USP6NL: variants seen among roughly 807,000 people sequenced by gnomAD.
The protein encoded by USP6NL is USP6 N-terminal like.
A neutral mutation model predicts 61.9 loss-of-function variants in USP6NL; 26 were observed. The ratio of observed to expected loss-of-function variants is 0.42; its 90% CI spans 0.31 to 0.58. USP6NL has a LOEUF of 0.58. Among genes scored for constraint, USP6NL ranks in the 20% least tolerant of loss-of-function variants. The pLI is 0.16. For missense variants in USP6NL, 1,114 were observed against 1,034.3 expected (o/e 1.08, Z -1.06); for synonymous variants, 432 against 390.1 (o/e 1.11, Z -1.27).
rs1258703867 is a variant in USP6NL, at chr10:11,489,292, G to C, written c.544-70C>G. On this transcript the variant is annotated intron_variant, in intron 9 of 14. Transcript: ENST00000609104. The surrounding 1 kb of genome is among the most constrained non-coding windows in gnomAD (Gnocchi z 5.7). ...TTACATGCATATGTACAGAGAAAAA[G>C]CTACTCTATAAAAACCAGAAAATGC... The C allele has an allele frequency of 9.6e-6, 15 of 1,569,054 alleles. No individual in the cohort carries two copies. In the East Asian group the frequency reaches 3.4e-4, roughly 35 times the overall value.
intron 2 of USP6NL, among the ~76,000 whole-genome samples, chr10:11,557,645 C>T (rs1236675126): frequency 6.6e-6 from 1 of 152,102 alleles, no homozygotes; most frequent in South Asian, 2.1e-4. Flanking sequence ...TAGGGGAGAA[C>T]ATTGATGACA....
rs1837511415 is a variant in USP6NL at position 11,575,600 on chromosome 10, T to C, written c.4+22031A>G. 1.3e-5 allele frequency among the ~76,000 whole-genome samples: 2 copies of C among 152,248 alleles called. No individual in the cohort carries two copies. The highest frequency in any genetic ancestry group is 4.1e-4 in the South Asian group (2 of 4,830). ...ATCATCATCTTCCTTATCTCACTGG[T>C]ATTATCACTGGTTTTGAAAATGAAA... On this transcript the variant is annotated intron_variant, in intron 2 of 14. Transcript: ENST00000609104. This position sits in a 1 kb window ranked among gnomAD's most constrained non-coding sequence, Gnocchi z 4.2.
chr10:11,498,107 G>A (rs374496712), intron 7 of USP6NL, among the ~76,000 whole-genome samples: 2 of 150,942 alleles, frequency 1.3e-5, no homozygotes, highest in African/African-American at 4.9e-5. Flanking sequence ...CATGGTGGCG[G>A]GCACCTGTAA....
chr10:11,531,599 T>C (rs1276594574), intron 2 of USP6NL, among the ~76,000 whole-genome samples: 1 of 151,518 alleles, frequency 6.6e-6, no homozygotes, highest in African/African-American at 2.4e-5. Flanking sequence ...ATTACAGGAG[T>C]GAGCCACCGC....
At chr10:11,505,287 C>T (rs892371365) in intron 6 of USP6NL, among the ~76,000 whole-genome samples, 12 of 152,132 alleles carry the variant, frequency 7.9e-5, no homozygotes, top group Admixed American at 4.6e-4. Context: ...TTAAAGAACA[C>T]TTTCTGATTA....
intron 14 of USP6NL, among the ~76,000 whole-genome samples, chr10:11,466,379 ATGT>A (rs1832454079): frequency 6.6e-6 from 1 of 152,164 alleles, no homozygotes; most frequent in Non-Finnish European, 1.5e-5. Flanking sequence ...TGTTTCCCAA[ATGT>A]TGTTAAGCTG....
In USP6NL at chr10:11,576,464, G is replaced by C. The variant is rs7897535; in HGVS notation, c.4+21167C>G. On this transcript the variant is annotated intron_variant, in intron 2 of 14. Coordinates refer to ENST00000609104, the MANE Select transcript of USP6NL (RefSeq NM_014688.5). ...CCTTTGAGAGTTGATTAAATCACAGGAGCAGAGCTTTCATTAATGGGCTTA... is the reference window on the plus strand; with the variant it reads ...CCTTTGAGAGTTGATTAAATCACAGCAGCAGAGCTTTCATTAATGGGCTTA... 3.4e-3 allele frequency among the ~76,000 whole-genome samples: 517 copies of C among 152,300 alleles called. 1 individual carries two copies. The highest frequency in any genetic ancestry group is 0.012 in the African/African-American group (503 of 41,564).
intron 7 of USP6NL, among the ~76,000 whole-genome samples, chr10:11,500,565 T>G (rs1339904069): frequency 3.3e-5 from 5 of 152,036 alleles, no homozygotes; most frequent in Non-Finnish European, 7.4e-5. Flanking sequence ...AAGAAAAAAA[T>G]TATTACTCAG....
At position 11,559,998 on chromosome 10, in the gene USP6NL, C is replaced by G. The variant is rs182957782; in HGVS notation, c.5-32431G>C. ...GCAATAAAATATTAACAGAGGTCTT[C>G]TCTAAGGAGATTATAAAAGATTTTT... On this transcript the variant is annotated intron_variant, in intron 2 of 14. Transcript: ENST00000609104. Among the ~76,000 whole-genome samples the G allele has an allele frequency of 2.0e-5, 3 of 152,278 alleles. No individual in the cohort carries two copies. In the East Asian group the frequency reaches 5.8e-4, roughly 29 times the overall value.
chr10:11,508,275 T>A (rs1483138694), intron 6 of USP6NL, among the ~76,000 whole-genome samples: 1 of 152,244 alleles, frequency 6.6e-6, no homozygotes, highest in African/African-American at 2.4e-5. Context: ...TGCTAAGTGC[T>A]TTACATGCAT....
At chr10:11,523,696 T>C (rs942445225) in intron 4 of USP6NL, among the ~76,000 whole-genome samples, 9 of 152,114 alleles carry the variant, frequency 5.9e-5, no homozygotes, top group Non-Finnish European at 1.0e-4. Context: ...GAAAAGAAAA[T>C]TTAGGTAATT....
At chr10:11,550,961 T>C (rs1378255108) in intron 2 of USP6NL, among the ~76,000 whole-genome samples, 1 of 151,924 alleles carries the variant, frequency 6.6e-6, no homozygotes, top group Non-Finnish European at 1.5e-5. Flanking sequence ...ATGGTCAAAG[T>C]TAAAAATACT....
At chr10:11,473,772 A>G (rs2133190314) in intron 14 of USP6NL, among the ~76,000 whole-genome samples, 1 of 152,312 alleles carries the variant, frequency 6.6e-6, no homozygotes, top group South Asian at 2.1e-4. Context: ...CATGAAAACT[A>G]TTCAAAATTA....
chr10:11,580,462 AAATGGGAAAT>A (rs1837716919), intron 2 of USP6NL, among the ~76,000 whole-genome samples: 1 of 152,234 alleles, frequency 6.6e-6, no homozygotes, highest in Non-Finnish European at 1.5e-5. Context: ...ATTGCAAAAA[AAATGGGAAAT>A]AATCGAAATG....
intron 2 of USP6NL, among the ~76,000 whole-genome samples, 188 bp from the exon 3 acceptor site, chr10:11,527,755 C>T (rs1383978574): frequency 6.6e-6 from 1 of 152,010 alleles, no homozygotes; most frequent in African/African-American, 2.4e-5. Context: ...ATGTAATATT[C>T]AATAAAAAAG....
At position 11,478,372 on chromosome 10, in the gene USP6NL, G is replaced by A. The variant is rs1833056698; in HGVS notation, c.1078+3398C>T. On this transcript the variant is annotated intron_variant, in intron 14 of 14. Coordinates refer to ENST00000609104, the MANE Select transcript of USP6NL (RefSeq NM_014688.5). This position sits in a 1 kb window ranked among gnomAD's most constrained non-coding sequence, Gnocchi z 6.8. ...GGTACACGAGTGGGGGATGGAATGT[G>A]AGACCAGAAATGTCTTCACAGTCAC... 6.6e-6 allele frequency among the ~76,000 whole-genome samples: 1 copy of A among 152,134 alleles called. No individual in the cohort carries two copies. Among genetic ancestry groups the A allele is most frequent in the Non-Finnish European group, 1.5e-5 (1 of 68,014 alleles).
chr10:11,538,210 T>C (rs1002175867), intron 2 of USP6NL, among the ~76,000 whole-genome samples: 1 of 152,192 alleles, frequency 6.6e-6, no homozygotes, highest in Non-Finnish European at 1.5e-5. Context: ...TAGAAACAAA[T>C]GCTGACAAGA....
chr10:11,462,842 T>TA lies in USP6NL; in HGVS notation c.2085dup (p.Ser696Ter). The TA allele has an allele frequency of 6.2e-7, 1 of 1,613,994 alleles. No individual in the cohort carries two copies. On this transcript the variant is annotated frameshift_variant, in exon 15 of 15. Transcript: ENST00000609104. LOFTEE classifies it low-confidence loss of function (END_TRUNC). ...TCAACAGGGAGGACTTCTATTCGACTAGACGGCAGTACAAGGGGGCTTGGG... is the reference window on the plus strand; with the variant it reads ...TCAACAGGGAGGACTTCTATTCGACTAAGACGGCAGTACAAGGGGGCTTGGG...
At chr10:11,554,801 CTT>C (rs11370788) in intron 2 of USP6NL, among the ~76,000 whole-genome samples, 7 of 128,244 alleles carry the variant, frequency 5.5e-5, no homozygotes, top group South Asian at 2.5e-4. Flanking sequence ...AGTAAGGCAG[CTT>C]TTTTTTTTTT....
Sources: gnomAD v4.1 joint callset for allele counts (sites outside exome capture counted in the v4.1 genomes callset) on GRCh38, gnomAD v4.1.1 for gene constraint, Gnocchi (gnomAD v3.1) non-coding constraint, MANE v1.5 for transcripts, NCBI Gene and HGNC (gene_info 2026-07-23, HGNC 2026-07-21) for gene names.